The following TCF7L1 variants were observed in gnomAD, a reference collection of about 807,000 sequenced individuals.
TCF7L1 encodes the protein transcription factor 7-like 1.
A neutral mutation model predicts 63.7 loss-of-function variants in TCF7L1; 18 were observed. The ratio of observed to expected loss-of-function variants is 0.28; its 90% CI spans 0.20 to 0.42. The LOEUF (loss-of-function observed/expected upper bound fraction) is 0.42, where lower values mean the gene tolerates loss of function less well. Ranked by LOEUF, TCF7L1 falls within the 10% of genes least tolerant of loss-of-function variation. The pLI is 1.00. For missense variants in TCF7L1, 654 were observed against 779.3 expected, an observed-to-expected ratio of 0.84 and a Z score of 1.91; for synonymous variants, 355 against 340.9, an observed-to-expected ratio of 1.04 and a Z score of -0.46.
At chr2:85,280,325 C>T (rs1194606098) in intron 3 of TCF7L1, among the ~76,000 whole-genome samples, 5 of 152,184 alleles carry the variant, frequency 3.3e-5, no homozygotes, top group Admixed American at 2.6e-4. Context: ...AAGTATCCAG[C>T]CCAAAATGTC....
chr2:85,192,849 A>T (rs182387236), intron 3 of TCF7L1, among the ~76,000 whole-genome samples: 3,443 of 151,360 alleles, frequency 0.023, 53 homozygotes, highest in Middle Eastern at 0.055. Context: ...AATTTTTTTT[A>T]AATTTTTTGT....
intron 3 of TCF7L1, among the ~76,000 whole-genome samples, chr2:85,167,693 G>A (rs1039936863): frequency 7.9e-5 from 12 of 152,076 alleles, no homozygotes; most frequent in Admixed American, 5.2e-4. Flanking sequence ...GTGAGACCCC[G>A]TGTCTAAGAA....
chr2:85,244,473 G>C (rs1211211623), intron 3 of TCF7L1, among the ~76,000 whole-genome samples: 1 of 152,150 alleles, frequency 6.6e-6, no homozygotes, highest in Non-Finnish European at 1.5e-5. Flanking sequence ...TGAAGGAGGA[G>C]TGACAGGATT....
At chr2:85,225,105 T>C (rs1398069619) in intron 3 of TCF7L1, among the ~76,000 whole-genome samples, 1 of 152,252 alleles carries the variant, frequency 6.6e-6, no homozygotes, top group African/African-American at 2.4e-5. Context: ...TGCAGTGTTA[T>C]TTCTGAGGCC....
At chr2:85,264,716 C>G (rs1470609232) in intron 3 of TCF7L1, among the ~76,000 whole-genome samples, 2 of 152,196 alleles carry the variant, frequency 1.3e-5, no homozygotes, top group Non-Finnish European at 2.9e-5. Context: ...CCTAACCCAA[C>G]TAGCCTAGCC....
chr2:85,303,663 G>C (rs1682036678), intron 5 of TCF7L1: 1 of 420,872 alleles, frequency 2.4e-6, no homozygotes, highest in South Asian at 7.5e-5. Flanking sequence ...TCTTCACAGA[G>C]ATAGAATCCG....
intron 3 of TCF7L1, among the ~76,000 whole-genome samples, chr2:85,140,905 G>A (rs1677720613): frequency 1.1e-5 from 1 of 92,830 alleles, no homozygotes. Context: ...GCGAAAGAGA[G>A]AGAGAGACAG....
chr2:85,250,348 C>T (rs948231578), intron 3 of TCF7L1, among the ~76,000 whole-genome samples: 1 of 152,190 alleles, frequency 6.6e-6, no homozygotes, highest in Non-Finnish European at 1.5e-5. Flanking sequence ...CTGGCCTTCT[C>T]ACCTTGCCAC....
In TCF7L1 at chr2:85,261,123, GGTGTGTGTGTGT is replaced by G. The variant is rs3223762; in HGVS notation, c.442-22334_442-22323del. ...TTCAATTACTTCCTCAATTATTGCT[GGTGTGTGTGTGT>G]GTGTGTGTGTGTGTGTGTGTGTGTG... On this transcript the variant is annotated intron_variant, in intron 3 of 11. Transcript: ENST00000282111. 5.4e-3 allele frequency among the ~76,000 whole-genome samples: 579 copies of G among 106,770 alleles called. 6 individuals carry two copies. Among genetic ancestry groups the G allele is most frequent in the African/African-American group, 0.017 (531 of 31,160 alleles). The allele number at this position is 106,770 out of a possible 152,430, so 70.0% of individuals were successfully genotyped here.
chr2:85,304,124 G>C, intron 6 of TCF7L1, 127 bp downstream of exon 6: 1 of 1,204,570 alleles, frequency 8.3e-7, no homozygotes, highest in South Asian at 1.4e-5. Context: ...CCCTGCCCCC[G>C]CCCAGGCAGC....
At chr2:85,299,126 C>G (rs1681902517) in intron 4 of TCF7L1, among the ~76,000 whole-genome samples, 1 of 148,090 alleles carries the variant, frequency 6.8e-6, no homozygotes. Flanking sequence ...ATACTTAATT[C>G]TGTTACCCAT....
intron 4 of TCF7L1, among the ~76,000 whole-genome samples, chr2:85,294,660 GC>G (rs943135394): frequency 6.6e-6 from 1 of 152,154 alleles, no homozygotes; most frequent in Non-Finnish European, 1.5e-5. Flanking sequence ...CAATAGCTCT[GC>G]CCCAGCTTTG....
At chr2:85,294,027 T>TA in intron 4 of TCF7L1, among the ~76,000 whole-genome samples, 1 of 58,466 alleles carries the variant, frequency 1.7e-5, no homozygotes, top group East Asian at 6.2e-4. Flanking sequence ...AACACTGGGA[T>TA]TTTTTTTTTT....
Position 85,147,909 on chromosome 2 carries a change from T to A in TCF7L1, c.441+13459T>A, listed in dbSNP as rs942987201. Among the ~76,000 whole-genome samples the A allele has an allele frequency of 2.6e-5, 4 of 152,104 alleles. No individual in the cohort carries two copies. The East Asian group carries it at 5.8e-4, about 22-fold the overall frequency. Reference sequence around the variant, plus strand: ...AACCCATCGTAAAGTCAAAAAAATATTAAGTTGGACCATCATAGGTTAGGG... The same window carrying A: ...AACCCATCGTAAAGTCAAAAAAATAATAAGTTGGACCATCATAGGTTAGGG... On this transcript the variant is annotated intron_variant, in intron 3 of 11. Coordinates refer to ENST00000282111, the MANE Select transcript of TCF7L1 (RefSeq NM_031283.3).
At chr2:85,286,997 A>G (rs143057743) in intron 4 of TCF7L1, among the ~76,000 whole-genome samples, 34 of 152,296 alleles carry the variant, frequency 2.2e-4, no homozygotes, top group African/African-American at 8.2e-4. Flanking sequence ...TTTTGCACAG[A>G]GCAATCCTCT....
chr2:85,285,894 A>G (rs57463417), intron 4 of TCF7L1, among the ~76,000 whole-genome samples: 1 of 152,102 alleles, frequency 6.6e-6, no homozygotes, highest in East Asian at 1.9e-4. Flanking sequence ...ATTTCCCTTT[A>G]AAAACTAACA....
chr2:85,223,581 C>T (rs1679895515), intron 3 of TCF7L1, among the ~76,000 whole-genome samples: 1 of 151,926 alleles, frequency 6.6e-6, no homozygotes. Flanking sequence ...TGGATAGATA[C>T]TGGTGTGCTG....
rs4832150 is a variant in TCF7L1, at chr2:85,270,775, G to A, written c.442-12720G>A. On this transcript the variant is annotated intron_variant, in intron 3 of 11. Transcript: ENST00000282111. ...CGCAATCACAGCTCACTGCAGCCTC[G>A]AGCTCGAGGGCTGAGTCGATCCTCC... 9.1e-3 allele frequency among the ~76,000 whole-genome samples: 1,377 copies of A among 151,044 alleles called. 86 individuals carry two copies. Among genetic ancestry groups the A allele is most frequent in the Admixed American group, 0.081 (1,226 of 15,210 alleles).
chr2:85,182,399 G>A (rs953230833), intron 3 of TCF7L1, among the ~76,000 whole-genome samples: 1 of 152,176 alleles, frequency 6.6e-6, no homozygotes, highest in Non-Finnish European at 1.5e-5. Flanking sequence ...TAGAAGGAAT[G>A]TATTAATGCC....
Sources: allele counts gnomAD v4.1 joint callset (sites outside exome capture counted in the v4.1 genomes callset), GRCh38; gene constraint gnomAD v4.1.1; transcripts MANE v1.5; gene names NCBI Gene and HGNC (gene_info 2026-07-23, HGNC 2026-07-21).